The following CREB3L2 variants were observed in gnomAD, a reference collection of about 807,000 sequenced individuals.
CREB3L2 encodes cyclic AMP-responsive element-binding protein 3-like protein 2.
In CREB3L2, 23 loss-of-function variants were observed where a neutral mutation model predicts 57.2. The observed-to-expected ratio is 0.40, with a 90% confidence interval of 0.29 to 0.57. The LOEUF (loss-of-function observed/expected upper bound fraction) is 0.57. CREB3L2 is among the 20% of genes least tolerant of loss of function. CREB3L2 has a pLI of 0.42. For synonymous variants in CREB3L2, 268 were observed against 265.1 expected (o/e 1.01, Z -0.11); for missense variants, 628 against 634.7 (o/e 0.99, Z 0.11).
chr7:137,912,817 TGCAAAATTTTTATTTGGAA>T, intron 4 of CREB3L2, 155 bp downstream of exon 4: 8 of 1,510,604 alleles, frequency 5.3e-6, no homozygotes, highest in South Asian at 1.2e-5. Context: ...ATAGTTAGCT[TGCAAAATTTTTATTTGGAA>T]GCAAAATTTT....
At chr7:137,981,022 A>G (rs187068035) in intron 1 of CREB3L2, among the ~76,000 whole-genome samples, 53 of 152,338 alleles carry the variant, frequency 3.5e-4, no homozygotes, top group African/African-American at 1.3e-3. Flanking sequence ...AGATCTGCTG[A>G]GGACCCCGAG....
intron 1 of CREB3L2, among the ~76,000 whole-genome samples, chr7:137,974,206 T>C (rs758437093): frequency 2.0e-4 from 30 of 152,174 alleles, no homozygotes; most frequent in Admixed American, 1.0e-3. Flanking sequence ...CCTTGCTCTA[T>C]TGGAACTTAC....
chr7:137,981,185 G>A (rs577377363), intron 1 of CREB3L2, among the ~76,000 whole-genome samples: 37 of 152,236 alleles, frequency 2.4e-4, no homozygotes, highest in African/African-American at 7.0e-4. Context: ...AGAAAGAGGA[G>A]AGCAAAGGAG....
intron 8 of CREB3L2, among the ~76,000 whole-genome samples, chr7:137,893,978 A>G (rs1025907045): frequency 6.6e-6 from 1 of 152,208 alleles, no homozygotes; most frequent in Admixed American, 6.5e-5. Flanking sequence ...AAAATGTGGT[A>G]GTATAAGCAG....
rs113522368 is a variant in CREB3L2 at position 137,875,147 on chromosome 7, G to A, written c.*5329C>T. 4.0e-4 allele frequency: 81 copies of A among 201,564 alleles called. No individual in the cohort carries two copies. Among genetic ancestry groups the A allele is most frequent in the Non-Finnish European group, 7.5e-4 (74 of 98,680 alleles). 12.5% of individuals were successfully genotyped at this position (201,564 alleles called of 1,614,324 possible). On this transcript the variant is annotated 3_prime_UTR_variant, in exon 12 of 12. Transcript: ENST00000330387. Reference sequence around the variant, plus strand: ...GAATAAAAAGTCATTTAAAAAACGCGATAGGACAGATAACAGACTCACAAC... The same window carrying A: ...GAATAAAAAGTCATTTAAAAAACGCAATAGGACAGATAACAGACTCACAAC...
chr7:137,954,103 A>G lies in CREB3L2; in HGVS notation c.103-25737T>C, dbSNP rs777920745. Among the ~76,000 whole-genome samples the G allele has an allele frequency of 5.5e-4, 83 of 152,214 alleles. 6 individuals are homozygous for G. The highest frequency in any genetic ancestry group is 7.3e-5 in the Non-Finnish European group (5 of 68,034). On this transcript the variant is annotated intron_variant, in intron 1 of 11. Coordinates refer to ENST00000330387, the MANE Select transcript of CREB3L2 (RefSeq NM_194071.4). ...TCTGGTATTCTGAAGTTCCACAAAC[A>G]TAAGTAGAGTCCTGCCCTTTGACCT... is the stretch of plus-strand genomic sequence containing the variant.
rs138093571 is a variant in CREB3L2, at chr7:137,957,822, T to C, written c.103-29456A>G. The C allele has an allele frequency of 1.2e-4, 152 of 1,269,054 alleles. 1 individual carries two copies. In the East Asian group the frequency reaches 8.3e-3, roughly 69 times the overall value. The allele number at this position is 1,269,054 out of a possible 1,614,324, so 78.6% of individuals were successfully genotyped here. On this transcript the variant is annotated intron_variant, in intron 1 of 11. Coordinates refer to ENST00000330387, the MANE Select transcript of CREB3L2 (RefSeq NM_194071.4). The stretch of plus-strand genomic sequence containing the variant: ...TTTATCTCTTTCCTCTGCTAAGGTA[T>C]TAATTCATCAATAAGCAAAAACACT...
intron 1 of CREB3L2, among the ~76,000 whole-genome samples, chr7:137,950,993 C>T (rs1801082395): frequency 2.0e-5 from 3 of 152,174 alleles, no homozygotes; most frequent in Non-Finnish European, 4.4e-5. Flanking sequence ...AAAATCAATA[C>T]TTGTGGCACT....
rs182482604 is a variant in CREB3L2 at position 137,907,609 on chromosome 7, G to A, written c.768+643C>T. On this transcript the variant is annotated intron_variant, in intron 5 of 11. Transcript: ENST00000330387. ...ATTTAAATTTTCTAGTTGTGAGATT[G>A]TGAATTCAAAATAGCTGATTATAAT... 4.1e-3 allele frequency among the ~76,000 whole-genome samples: 617 copies of A among 152,312 alleles called. 2 individuals are homozygous for A. Among genetic ancestry groups the A allele is most frequent in the African/African-American group, 0.014 (590 of 41,570 alleles).
At chr7:137,905,549 G>C (rs1200135294) in intron 6 of CREB3L2, among the ~76,000 whole-genome samples, 153 bp downstream of exon 6, 1 of 152,020 alleles carries the variant, frequency 6.6e-6, no homozygotes, top group Non-Finnish European at 1.5e-5. Context: ...ACGTGGTGAG[G>C]GTGCTCCTCC....
At chr7:137,924,622 G>GT (rs1347308068) in intron 2 of CREB3L2, among the ~76,000 whole-genome samples, 2 of 151,850 alleles carry the variant, frequency 1.3e-5, no homozygotes, top group Non-Finnish European at 2.9e-5. Context: ...CTCATGACAT[G>GT]TTTTTTTTCT....
At chr7:137,943,817 A>G (rs1250814623) in intron 1 of CREB3L2, among the ~76,000 whole-genome samples, 1 of 152,186 alleles carries the variant, frequency 6.6e-6, no homozygotes, top group Non-Finnish European at 1.5e-5. Flanking sequence ...TGCTGGTAAC[A>G]TCCCCCTTTC....
Position 137,878,804 on chromosome 7 carries a change from A to G in CREB3L2, c.*1672T>C, listed in dbSNP as rs1181588179. 3.8e-6 allele frequency: 1 copy of G among 265,638 alleles called. No individual in the cohort carries two copies. The highest frequency in any genetic ancestry group is 7.2e-6 in the Non-Finnish European group (1 of 138,516). 16.5% of individuals were successfully genotyped at this position (265,638 alleles called of 1,614,324 possible). ...AGGGACCGACTTATGAGGTATGACG[A>G]CAAATGTTAATAACATCAAATCCTG... On this transcript the variant is annotated 3_prime_UTR_variant, in exon 12 of 12. Transcript: ENST00000330387.
chr7:137,915,488 A>G (rs369120342), intron 3 of CREB3L2, among the ~76,000 whole-genome samples: 30 of 152,304 alleles, frequency 2.0e-4, no homozygotes, highest in Admixed American at 3.9e-4. Flanking sequence ...GCCATGGATT[A>G]CATCACCACT....
chr7:137,984,376 C>T (rs1801760708), intron 1 of CREB3L2, among the ~76,000 whole-genome samples: 1 of 152,208 alleles, frequency 6.6e-6, no homozygotes, highest in Admixed American at 6.5e-5. Flanking sequence ...CCTGGCTTGT[C>T]CTAATATAGG....
intron 6 of CREB3L2, 61 bp downstream of exon 6, chr7:137,905,640 AG>A: frequency 1.9e-6 from 3 of 1,562,436 alleles, no homozygotes; most frequent in Non-Finnish European, 2.6e-6. Context: ...AGGCAGGGAA[AG>A]GGATGCTGAC....
intron 7 of CREB3L2, among the ~76,000 whole-genome samples, chr7:137,902,799 T>A (rs1312406508): frequency 6.6e-6 from 1 of 151,802 alleles, no homozygotes; most frequent in African/African-American, 2.4e-5. Flanking sequence ...TGTAGTTTTT[T>A]TTTATTGAGT....
At chr7:137,915,379 C>G (rs377765207) in intron 3 of CREB3L2, among the ~76,000 whole-genome samples, 1 of 151,756 alleles carries the variant, frequency 6.6e-6, no homozygotes, top group African/African-American at 2.4e-5. Context: ...TGAATCAATA[C>G]GTGGGACATT....
At chr7:137,909,278 A>T (rs10240899) in intron 4 of CREB3L2, among the ~76,000 whole-genome samples, 5,969 of 152,232 alleles carry the variant, frequency 0.039, 404 homozygotes, top group African/African-American at 0.14. Context: ...TTTCTCCTCT[A>T]AAGTCTCCCG....
Sources: allele counts gnomAD v4.1 joint callset (sites outside exome capture counted in the v4.1 genomes callset), GRCh38; gene constraint gnomAD v4.1.1; transcripts MANE v1.5; gene names NCBI Gene and HGNC (gene_info 2026-07-23, HGNC 2026-07-21).